Variants in TUT4 observed in about 807,000 individuals in gnomAD.
TUT4 encodes terminal uridylyltransferase 4.
TUT4 carries 36 observed loss-of-function variants against 192.2 expected under a neutral mutation model. The ratio of observed to expected loss-of-function variants is 0.19; its 90% CI spans 0.14 to 0.25. The LOEUF is 0.25. Among genes scored for constraint, TUT4 ranks in the 10% least tolerant of loss-of-function variants. The probability of loss-of-function intolerance (pLI) is 1.00; values close to 1 mark genes in which losing one functional copy is unlikely to be tolerated. For missense variants in TUT4, 1,493 were observed against 1,957.2 expected (o/e 0.76, Z 4.47); for synonymous variants, 618 against 666.0 (o/e 0.93, Z 1.11).
intron 1 of TUT4, among the ~76,000 whole-genome samples, chr1:52,552,050 C>G (rs1395839752): frequency 6.6e-6 from 1 of 152,186 alleles, no homozygotes; most frequent in African/African-American, 2.4e-5. Flanking sequence ...CTACTTCTAT[C>G]AAAATGAAGA....
At chr1:52,518,061 T>C (rs1268591529) in intron 2 of TUT4, among the ~76,000 whole-genome samples, 2 of 152,224 alleles carry the variant, frequency 1.3e-5, no homozygotes, top group Non-Finnish European at 2.9e-5. Flanking sequence ...CTAAATTGTG[T>C]TCCAAAAACA....
At chr1:52,490,104 C>G (rs1464104248) in intron 8 of TUT4, among the ~76,000 whole-genome samples, 1 of 150,372 alleles carries the variant, frequency 6.7e-6, no homozygotes, top group Non-Finnish European at 1.5e-5. Flanking sequence ...GAAATAAAAA[C>G]TAAACTCTAA....
intron 12 of TUT4, among the ~76,000 whole-genome samples, chr1:52,477,300 G>A (rs1667350717): frequency 6.6e-6 from 1 of 152,032 alleles, no homozygotes; most frequent in Non-Finnish European, 1.5e-5. Context: ...GGCCATGCAC[G>A]GTGGCTCATG....
At chr1:52,541,163 C>T (rs1686515642) in intron 1 of TUT4, among the ~76,000 whole-genome samples, 1 of 149,326 alleles carries the variant, frequency 6.7e-6, no homozygotes, top group African/African-American at 2.5e-5. Flanking sequence ...GAGCCAAGAT[C>T]ACGCGACTGC....
chr1:52,498,657 C>G (rs564102643), intron 4 of TUT4, among the ~76,000 whole-genome samples: 1 of 151,780 alleles, frequency 6.6e-6, no homozygotes, highest in Non-Finnish European at 1.5e-5. Flanking sequence ...GAGGCCAAGG[C>G]AGGCGTATCA....
chr1:52,468,203 C>T lies in TUT4; in HGVS notation c.2943G>A (p.Lys981=). Residue 981 remains lysine, a synonymous_variant, in exon 15 of 30, where the codon AAG becomes AAA. Coordinates refer to ENST00000257177, the MANE Select transcript of TUT4 (RefSeq NM_001009881.3). ...NREQILIGLE[K]FIQKEYDEKA... is the part of the protein sequence containing the mutation. ...TACCATCATATTCTTTTTGAATAAACTTTTCCAAGCCAATTAAAATTTGCT... is the reference window on the plus strand; with the variant it reads ...TACCATCATATTCTTTTTGAATAAATTTTTCCAAGCCAATTAAAATTTGCT... The T allele has an allele frequency of 6.2e-7, 1 of 1,610,540 alleles. No individual in the cohort carries two copies. Among genetic ancestry groups the T allele is most frequent in the Non-Finnish European group, 8.5e-7 (1 of 1,179,084 alleles).
At chr1:52,463,529 C>A (rs1385284836) in intron 16 of TUT4, 2 of 1,152,322 alleles carry the variant, frequency 1.7e-6, no homozygotes, top group African/African-American at 1.6e-5. Flanking sequence ...CTGCTGAATT[C>A]TTTTATAATG....
intron 24 of TUT4, among the ~76,000 whole-genome samples, chr1:52,439,208 C>T (rs555299436): frequency 2.0e-5 from 3 of 151,898 alleles, no homozygotes; most frequent in South Asian, 2.1e-4. Context: ...CCAGCCTGGA[C>T]GAAGTGGCGA....
chr1:52,429,514 G>T (rs953379714), intron 28 of TUT4, among the ~76,000 whole-genome samples: 7 of 151,250 alleles, frequency 4.6e-5, no homozygotes, highest in Non-Finnish European at 1.0e-4. Context: ...CCTGTGAATA[G>T]CCACTGCACT....
chr1:52,507,605 T>C (rs1026558288), intron 4 of TUT4, among the ~76,000 whole-genome samples: 4 of 152,204 alleles, frequency 2.6e-5, no homozygotes, highest in Admixed American at 2.6e-4. Flanking sequence ...AAAGTTTCCC[T>C]ATACGGGCTG....
intron 20 of TUT4, among the ~76,000 whole-genome samples, chr1:52,450,624 G>C (rs1659106408): frequency 6.6e-6 from 1 of 152,038 alleles, no homozygotes; most frequent in South Asian, 2.1e-4. Flanking sequence ...ACATTCAAAA[G>C]CATTAAATGT....
At chr1:52,430,301 T>C (rs1210388335) in intron 28 of TUT4, among the ~76,000 whole-genome samples, 1 of 152,156 alleles carries the variant, frequency 6.6e-6, no homozygotes, top group Non-Finnish European at 1.5e-5. Flanking sequence ...TTTTTTTTGT[T>C]TGAGACAGTT....
At chr1:52,511,689 T>C (rs1233236330) in intron 3 of TUT4, among the ~76,000 whole-genome samples, 1 of 152,068 alleles carries the variant, frequency 6.6e-6, no homozygotes, top group African/African-American at 2.4e-5. Context: ...GTACCTAAAA[T>C]ATTTGAGAAA....
At chr1:52,461,915 AC>A (rs1191856209) in intron 16 of TUT4, 146 bp from the exon 17 acceptor site, 2 of 532,712 alleles carry the variant, frequency 3.8e-6, no homozygotes, top group African/African-American at 1.9e-5. Context: ...TGATTCATAG[AC>A]CTACAGTATC....
At chr1:52,552,214 T>C (rs1689626102) in intron 1 of TUT4, among the ~76,000 whole-genome samples, 1 of 152,236 alleles carries the variant, frequency 6.6e-6, no homozygotes, top group South Asian at 2.1e-4. Flanking sequence ...CTTTCAGGTC[T>C]AAACATCTCA....
chr1:52,475,460 A>C lies in TUT4; in HGVS notation c.2099T>G (p.Phe700Cys). 2 of 1,614,106 alleles carry C rather than the reference A, an allele frequency of 1.2e-6. No homozygotes were observed. Among genetic ancestry groups the C allele is most frequent in the Non-Finnish European group, 1.7e-6 (2 of 1,180,032 alleles). Residue 700 changes from phenylalanine (F) to cysteine (C), a missense_variant, in exon 13 of 30, where the codon TTT (phenylalanine) becomes TGT (cysteine). Physicochemically the swap from Phe to Cys is radical, Grantham distance 205. Coordinates refer to ENST00000257177, the MANE Select transcript of TUT4 (RefSeq NM_001009881.3). ...QLVYEYVVER[F>C]RAAYRYFACP... ...GGCAAAATACCGATAAGCTGCCCTA[A>C]ATCTCTCCACAACATATTCGTAAAC...
intron 14 of TUT4, among the ~76,000 whole-genome samples, chr1:52,471,119 C>T (rs989262650): frequency 4.7e-5 from 7 of 149,590 alleles, no homozygotes; most frequent in South Asian, 2.1e-4. Flanking sequence ...CAGGTCCAAG[C>T]GATTCTCCTG....
chr1:52,486,314 G>GTAC (rs964898234), intron 9 of TUT4, among the ~76,000 whole-genome samples: 1 of 152,104 alleles, frequency 6.6e-6, no homozygotes, highest in African/African-American at 2.4e-5. Context: ...GACTAATAAT[G>GTAC]TACTGATGAT....
intron 1 of TUT4, among the ~76,000 whole-genome samples, chr1:52,552,620 C>T (rs1689757429): frequency 6.6e-6 from 1 of 152,252 alleles, no homozygotes. Context: ...TGGTCTACAA[C>T]AGGTTTCGGT....
Sources: gnomAD v4.1 joint callset for allele counts (sites outside exome capture counted in the v4.1 genomes callset) on GRCh38, gnomAD v4.1.1 for gene constraint, MANE v1.5 for transcripts, NCBI Gene and HGNC (gene_info 2026-07-23, HGNC 2026-07-21) for gene names.